PDGFC: variants seen among roughly 807,000 people sequenced by gnomAD.
The protein encoded by PDGFC is platelet-derived growth factor C.
In PDGFC, 12 loss-of-function variants were observed where a neutral mutation model predicts 35.5. The ratio of observed to expected loss-of-function variants is 0.34; its 90% CI spans 0.22 to 0.55. The LOEUF is 0.55. Among genes scored for constraint, PDGFC ranks in the 20% least tolerant of loss-of-function variants. The pLI, the probability that PDGFC is intolerant of heterozygous loss-of-function variation, is 0.91. For synonymous variants in PDGFC, 159 were observed against 148.8 expected, an observed-to-expected ratio of 1.07 and a Z score of -0.50; for missense variants, 322 against 412.4, an observed-to-expected ratio of 0.78 and a Z score of 1.90.
intron 1 of PDGFC, among the ~76,000 whole-genome samples, chr4:156,929,461 C>CA (rs34830477): frequency 0.041 from 4,653 of 112,612 alleles, 186 homozygotes; most frequent in East Asian, 0.23. Context: ...GCATTCGTAG[C>CA]AAAAAAAAAA....
At chr4:156,822,356 C>CAAAA (rs397878245) in intron 2 of PDGFC, among the ~76,000 whole-genome samples, 3 of 70,288 alleles carry the variant, frequency 4.3e-5, no homozygotes, top group African/African-American at 8.1e-5. Flanking sequence ...GAAACTGTCT[C>CAAAA]AAAAAAAAAA....
chr4:156,795,427 T>C (rs1228015480), intron 3 of PDGFC, among the ~76,000 whole-genome samples: 1 of 152,172 alleles, frequency 6.6e-6, no homozygotes, highest in Non-Finnish European at 1.5e-5. Flanking sequence ...AATTGAGGCA[T>C]TGTGGCTATA....
chr4:156,778,047 T>G (rs1730872969), intron 3 of PDGFC, among the ~76,000 whole-genome samples: 1 of 152,026 alleles, frequency 6.6e-6, no homozygotes, highest in African/African-American at 2.4e-5. Context: ...GAGGTTGCAA[T>G]GAGCCAAGAC....
At chr4:156,795,519 A>C (rs1388572439) in intron 3 of PDGFC, among the ~76,000 whole-genome samples, 5 of 152,192 alleles carry the variant, frequency 3.3e-5, no homozygotes, top group Non-Finnish European at 5.9e-5. Flanking sequence ...GATGAGTGGT[A>C]AAATTAAAAT....
At chr4:156,922,803 G>A (rs546413857) in intron 1 of PDGFC, among the ~76,000 whole-genome samples, 2 of 152,196 alleles carry the variant, frequency 1.3e-5, no homozygotes, top group East Asian at 3.9e-4. Flanking sequence ...GTGCTGGGAA[G>A]TTGGGTCAAA....
chr4:156,849,109 C>A lies in PDGFC; in HGVS notation c.314+1112G>T, dbSNP rs1452919131. Among the ~76,000 whole-genome samples the A allele has an allele frequency of 2.6e-5, 4 of 151,836 alleles. No individual in the cohort carries two copies. In the East Asian group the frequency reaches 7.7e-4, roughly 29 times the overall value. Reference sequence around the variant, plus strand: ...GCAGTACAGCATGATGAAAAACTGCCTAAATAGGTGTTAGGAAAAATGGGT... The same window carrying A: ...GCAGTACAGCATGATGAAAAACTGCATAAATAGGTGTTAGGAAAAATGGGT... On this transcript the variant is annotated intron_variant, in intron 2 of 5. Coordinates refer to ENST00000502773, the MANE Select transcript of PDGFC (RefSeq NM_016205.3).
In PDGFC at chr4:156,772,697, C is replaced by T. The variant is rs1730721010; in HGVS notation, c.692G>A (p.Arg231Lys). The change falls in exon 4 of 6, where the codon AGA (arginine) becomes AAA (lysine). Residue 231 changes from arginine to lysine, a missense_variant. Arg to Lys is a conservative substitution (Grantham distance 26, BLOSUM62 2). Coordinates refer to ENST00000502773, the MANE Select transcript of PDGFC (RefSeq NM_016205.3). ...AAGAGGGAGCTTACCTCTGGATTTT[C>T]TTCCAAAAACAAAAGCCTTGCCAAG... The part of the protein sequence containing the change: ...QLLGKAFVFG[R>K]KSRVVDLNLL... 6.2e-7 allele frequency: 1 copy of T among 1,611,620 alleles called. No individual in the cohort carries two copies. The highest frequency in any genetic ancestry group is 8.5e-7 in the Non-Finnish European group (1 of 1,178,038).
intron 1 of PDGFC, among the ~76,000 whole-genome samples, chr4:156,907,551 C>A (rs781655692): frequency 6.6e-6 from 1 of 152,188 alleles, no homozygotes; most frequent in Non-Finnish European, 1.5e-5. Flanking sequence ...GGGCCCCCCA[C>A]TCACTAGTCC....
chr4:156,929,794 A>G (rs1490320503), intron 1 of PDGFC, among the ~76,000 whole-genome samples: 1 of 152,258 alleles, frequency 6.6e-6, no homozygotes, highest in Non-Finnish European at 1.5e-5. Context: ...AGTTGATAAC[A>G]TTCTTAAATA....
intron 2 of PDGFC, among the ~76,000 whole-genome samples, chr4:156,811,314 C>T (rs1051197942): frequency 6.6e-5 from 10 of 152,060 alleles, no homozygotes; most frequent in South Asian, 6.2e-4. Flanking sequence ...ATCTGACATT[C>T]GATTCATGAA....
intron 1 of PDGFC, among the ~76,000 whole-genome samples, chr4:156,927,010 G>C (rs1398655633): frequency 6.6e-6 from 1 of 152,208 alleles, no homozygotes; most frequent in African/African-American, 2.4e-5. Context: ...TCTAGGTGGA[G>C]GTTCCCAAAC....
chr4:156,784,928 G>A (rs1200000333), intron 3 of PDGFC, among the ~76,000 whole-genome samples: 1 of 152,178 alleles, frequency 6.6e-6, no homozygotes, highest in Admixed American at 6.5e-5. Context: ...GATAGTCATT[G>A]TAGCATTATT....
In PDGFC at chr4:156,956,297, T is replaced by C. The variant is rs560542404; in HGVS notation, c.118+14489A>G. ...GCACAGTAGCCATGGAGAACAACAATGTAGACTTTCCTTACTCAAAGTTTG... is the reference window on the plus strand; with the variant it reads ...GCACAGTAGCCATGGAGAACAACAACGTAGACTTTCCTTACTCAAAGTTTG... On this transcript the variant is annotated intron_variant, in intron 1 of 5. Transcript: ENST00000502773. Among the ~76,000 whole-genome samples, 186 of 152,162 alleles carry C rather than the reference T, an allele frequency of 1.2e-3. 1 individual carries two copies. The highest frequency in any genetic ancestry group is 1.9e-3 in the Non-Finnish European group (132 of 67,958).
intron 3 of PDGFC, chr4:156,774,236 G>C (rs2110822356): frequency 6.6e-6 from 1 of 152,230 alleles, no homozygotes; most frequent in African/African-American, 2.4e-5. Flanking sequence ...TGCATATTTT[G>C]TTCCAATCAG....
At chr4:156,853,678 C>T (rs944024604) in intron 1 of PDGFC, among the ~76,000 whole-genome samples, 2 of 152,120 alleles carry the variant, frequency 1.3e-5, no homozygotes, top group East Asian at 3.9e-4. Context: ...AAATAATGCT[C>T]GGCCCAGGCA....
intron 3 of PDGFC, among the ~76,000 whole-genome samples, chr4:156,809,393 G>A (rs948769974): frequency 5.3e-5 from 8 of 151,952 alleles, no homozygotes; most frequent in African/African-American, 1.9e-4. Flanking sequence ...GAGGATGGAT[G>A]GCACTTTCAA....
chr4:156,773,551 A>G (rs1035324446), intron 3 of PDGFC: 3 of 152,236 alleles, frequency 2.0e-5, no homozygotes, highest in Admixed American at 1.3e-4. Context: ...TACAAAAATA[A>G]AGACAAATGC....
intron 3 of PDGFC, among the ~76,000 whole-genome samples, chr4:156,780,232 G>A (rs1730942004): frequency 6.6e-6 from 1 of 151,162 alleles, no homozygotes; most frequent in African/African-American, 2.4e-5. Context: ...AGTATCGCAG[G>A]AATTTTTTTC....
chr4:156,922,105 G>A (rs1040283794), intron 1 of PDGFC, among the ~76,000 whole-genome samples: 2 of 151,808 alleles, frequency 1.3e-5, no homozygotes, highest in African/African-American at 4.8e-5. Flanking sequence ...ATTGTAAGGA[G>A]CAAAGAAGAC....
Sources: allele counts gnomAD v4.1 joint callset (sites outside exome capture counted in the v4.1 genomes callset), GRCh38; gene constraint gnomAD v4.1.1; transcripts MANE v1.5; gene names NCBI Gene and HGNC (gene_info 2026-07-23, HGNC 2026-07-21).